CCBE1: variants seen among roughly 807,000 people sequenced by gnomAD.
CCBE1 encodes the protein collagen and calcium-binding EGF domain-containing protein 1.
Under a neutral mutation model 50.0 loss-of-function variants are expected in CCBE1, and 37 were observed. That is an observed-to-expected ratio of 0.74 (90% CI 0.57 to 0.97). The LOEUF (loss-of-function observed/expected upper bound fraction) is 0.97. Ranked by LOEUF, CCBE1 falls within the 50% of genes least tolerant of loss-of-function variation. The probability of loss-of-function intolerance (pLI) is 0.00; values close to 1 mark genes in which losing one functional copy is unlikely to be tolerated. For synonymous variants in CCBE1, 234 were observed against 203.7 expected, an observed-to-expected ratio of 1.15 and a Z score of -1.27; for missense variants, 538 against 523.8, an observed-to-expected ratio of 1.03 and a Z score of -0.26.
At chr18:59,643,761 G>T (rs568063880) in intron 2 of CCBE1, among the ~76,000 whole-genome samples, 40 of 144,354 alleles carry the variant, frequency 2.8e-4, no homozygotes, top group South Asian at 1.2e-3. Flanking sequence ...GGTAGACGTT[G>T]CAATGAGCCA....
At chr18:59,576,007 T>C (rs1420198901) in intron 2 of CCBE1, among the ~76,000 whole-genome samples, 1 of 152,240 alleles carries the variant, frequency 6.6e-6, no homozygotes, top group African/African-American at 2.4e-5. Context: ...GTTTTTCCTG[T>C]GTAAGAAAAG....
rs538072807 is a variant in CCBE1, at chr18:59,613,268, G to A, written c.212+83361C>T. On this transcript the variant is annotated intron_variant, in intron 2 of 10. Transcript: ENST00000439986. ...GAATCATTTTGCCACCAGTTAAGCCGTGTCAAGGTACAAACAGCAAAATAT... is the reference window on the plus strand; with the variant it reads ...GAATCATTTTGCCACCAGTTAAGCCATGTCAAGGTACAAACAGCAAAATAT... Among the ~76,000 whole-genome samples, 8 of 152,276 alleles carry A rather than the reference G, an allele frequency of 5.3e-5. No homozygotes were observed. The South Asian group carries it at 1.5e-3, about 28-fold the overall frequency.
chr18:59,586,078 T>C (rs1277001737), intron 2 of CCBE1, among the ~76,000 whole-genome samples: 2 of 152,222 alleles, frequency 1.3e-5, no homozygotes, highest in Non-Finnish European at 2.9e-5. Flanking sequence ...ACAGGTGACA[T>C]ATGTACATGT....
intron 2 of CCBE1, among the ~76,000 whole-genome samples, chr18:59,615,094 C>G (rs1003604329): frequency 6.6e-6 from 1 of 152,212 alleles, no homozygotes; most frequent in Non-Finnish European, 1.5e-5. Flanking sequence ...CCTGCCCTGT[C>G]GATGGAGACC....
At chr18:59,473,738 T>TTCCCCCACTACTGCCCACC (rs2143748355) in intron 3 of CCBE1, among the ~76,000 whole-genome samples, 1 of 37,566 alleles carries the variant, frequency 2.7e-5, no homozygotes, top group Non-Finnish European at 5.6e-5. Flanking sequence ...CCTCCCACTA[T>TTCCCCCACTACTGCCCACC]TTCCTCCCCC....
In CCBE1 at chr18:59,454,928, C is replaced by T; in HGVS notation, c.577G>A (p.Val193Met). Residue 193 changes from valine (V) to methionine (M), a missense_variant, in exon 6 of 11, where the codon GTG becomes ATG. Physicochemically the swap from Val to Met is conservative, Grantham distance 21. Coordinates refer to ENST00000439986, the MANE Select transcript of CCBE1 (RefSeq NM_133459.4). ...GTGGCACAGCAAGTTCCGGCTTTCA[C>T]CATGTTCTCAGACTTCTCATGGCCT... Reference protein sequence around the residue: ...DTGHEKSENMVKAGTCCATCK... With the variant: ...DTGHEKSENMMKAGTCCATCK... 7 of 1,614,174 alleles carry T rather than the reference C, an allele frequency of 4.3e-6. No homozygotes were observed. The highest frequency in any genetic ancestry group is 5.1e-6 in the Non-Finnish European group (6 of 1,180,024).
intron 2 of CCBE1, among the ~76,000 whole-genome samples, chr18:59,666,801 C>T (rs1437663804): frequency 2.6e-5 from 4 of 152,076 alleles, no homozygotes; most frequent in Admixed American, 1.3e-4. Context: ...CCCATCTCTA[C>T]TAAAAACACA....
intron 2 of CCBE1, among the ~76,000 whole-genome samples, chr18:59,534,631 C>T (rs1915178388): frequency 5.3e-5 from 8 of 152,176 alleles, no homozygotes; most frequent in Admixed American, 5.2e-4. Context: ...TGGCTCCACC[C>T]AAGACCTATG....
chr18:59,617,421 A>T (rs9951051), intron 2 of CCBE1, among the ~76,000 whole-genome samples: 1 of 152,352 alleles, frequency 6.6e-6, no homozygotes, highest in African/African-American at 2.4e-5. Context: ...CGGCAAAGCC[A>T]TCATCTTAAA....
In CCBE1 at chr18:59,478,805, A is replaced by G. The variant is rs556447154; in HGVS notation, c.265+1381T>C. Among the ~76,000 whole-genome samples, 6 of 152,360 alleles carry G rather than the reference A, an allele frequency of 3.9e-5. No homozygotes were observed. In the South Asian group the frequency reaches 1.2e-3, roughly 32 times the overall value. ...CAGCTGGTGACTGAGAAAAGCTGTTATAGAAAGAAGTGCAATTATTGTGAC... is the reference window on the plus strand; with the variant it reads ...CAGCTGGTGACTGAGAAAAGCTGTTGTAGAAAGAAGTGCAATTATTGTGAC... On this transcript the variant is annotated intron_variant, in intron 3 of 10. Coordinates refer to ENST00000439986, the MANE Select transcript of CCBE1 (RefSeq NM_133459.4).
At chr18:59,450,529 A>G (rs1910881186) in intron 6 of CCBE1, among the ~76,000 whole-genome samples, 1 of 151,978 alleles carries the variant, frequency 6.6e-6, no homozygotes, top group African/African-American at 2.4e-5. Flanking sequence ...GGCAACCTAC[A>G]GTCACTTTTT....
chr18:59,657,999 G>A (rs190182426), intron 2 of CCBE1, among the ~76,000 whole-genome samples: 16 of 152,194 alleles, frequency 1.1e-4, no homozygotes, highest in Middle Eastern at 3.4e-3. Context: ...AGCAGGCCAA[G>A]AGTGTGGGCT....
intron 2 of CCBE1, among the ~76,000 whole-genome samples, chr18:59,498,379 G>C (rs1413678423): frequency 1.3e-5 from 2 of 152,174 alleles, no homozygotes; most frequent in Non-Finnish European, 2.9e-5. Context: ...TTTATCAAAA[G>C]CTCAAATTTC....
At chr18:59,670,210 TATA>T (rs2054413487) in intron 2 of CCBE1, among the ~76,000 whole-genome samples, 1 of 152,078 alleles carries the variant, frequency 6.6e-6, no homozygotes, top group African/African-American at 2.4e-5. Context: ...GAGTGAAAAT[TATA>T]ATAAAAGTGA....
At chr18:59,595,247 G>A (rs1340297384) in intron 2 of CCBE1, among the ~76,000 whole-genome samples, 2 of 148,864 alleles carry the variant, frequency 1.3e-5, no homozygotes. Context: ...TTCTTGACAA[G>A]GACCTATCCT....
intron 2 of CCBE1, among the ~76,000 whole-genome samples, chr18:59,564,825 C>T (rs2052795780): frequency 6.6e-6 from 1 of 152,210 alleles, no homozygotes; most frequent in Non-Finnish European, 1.5e-5. Flanking sequence ...AAAGTGATGA[C>T]AGCCTGGCCT....
chr18:59,452,699 CCTCT>C (rs1425317407), intron 6 of CCBE1, among the ~76,000 whole-genome samples: 5 of 152,306 alleles, frequency 3.3e-5, no homozygotes, highest in Middle Eastern at 6.8e-3. Context: ...GGTTATTGCA[CCTCT>C]CTAAGACCAT....
chr18:59,555,092 A>G (rs1310821899), intron 2 of CCBE1, among the ~76,000 whole-genome samples: 3 of 152,244 alleles, frequency 2.0e-5, no homozygotes, highest in Non-Finnish European at 4.4e-5. Flanking sequence ...TGTGTCCTTC[A>G]TGTTTCAACA....
At position 59,456,220 on chromosome 18, in the gene CCBE1, C is replaced by G. The variant is rs541609662; in HGVS notation, c.554-1269G>C. Among the ~76,000 whole-genome samples, 12 of 152,348 alleles carry G rather than the reference C, an allele frequency of 7.9e-5. No individual in the cohort carries two copies. The East Asian group carries it at 2.3e-3, about 29-fold the overall frequency. ...GCCACCAGGTAAGCTGCCTAAGAAC[C>G]AGGCTCACTTCTTGGTATCTCACGT... On this transcript the variant is annotated intron_variant, in intron 5 of 10. Coordinates refer to ENST00000439986, the MANE Select transcript of CCBE1 (RefSeq NM_133459.4).
Sources: allele counts gnomAD v4.1 joint callset (sites outside exome capture counted in the v4.1 genomes callset), GRCh38; gene constraint gnomAD v4.1.1; transcripts MANE v1.5; gene names NCBI Gene and HGNC (gene_info 2026-07-23, HGNC 2026-07-21).